LSAMP: variants seen among roughly 807,000 people sequenced by gnomAD.
LSAMP encodes limbic system-associated membrane protein.
LSAMP carries 7 observed loss-of-function variants against 38.6 expected under a neutral mutation model. That is an observed-to-expected ratio of 0.18 (90% CI 0.10 to 0.34). The LOEUF (loss-of-function observed/expected upper bound fraction) is 0.34, where lower values mean the gene tolerates loss of function less well. Ranked by LOEUF, LSAMP falls within the 10% of genes least tolerant of loss-of-function variation. The pLI is 1.00. For synonymous variants in LSAMP, 154 were observed against 166.8 expected (o/e 0.92, Z 0.59); for missense variants, 313 against 420.0 (o/e 0.75, Z 2.23).
chr3:115,994,960 GA>G (rs1472384506), intron 3 of LSAMP, among the ~76,000 whole-genome samples: 6 of 152,046 alleles, frequency 3.9e-5, no homozygotes, highest in African/African-American at 1.4e-4. Context: ...GTATACGTGA[GA>G]ATGTAGATGC....
chr3:116,320,057 T>A (rs2047687274), intron 1 of LSAMP, among the ~76,000 whole-genome samples: 1 of 152,150 alleles, frequency 6.6e-6, no homozygotes, highest in East Asian at 1.9e-4. Context: ...CAGACATTAG[T>A]GTTTCAGGTA....
chr3:115,869,213 G>A (rs1935947763), intron 3 of LSAMP, among the ~76,000 whole-genome samples: 1 of 150,332 alleles, frequency 6.7e-6, no homozygotes. Context: ...AGCCAGATTA[G>A]GTCAGGAGAT....
rs72951922 is a variant in LSAMP at position 116,404,319 on chromosome 3, C to T, written c.155+40558G>A. Among the ~76,000 whole-genome samples, 365 of 152,154 alleles carry T rather than the reference C, an allele frequency of 2.4e-3. 4 individuals carry two copies. The highest frequency in any genetic ancestry group is 8.4e-3 in the African/African-American group (351 of 41,542). On this transcript the variant is annotated intron_variant, in intron 1 of 6. Transcript: ENST00000490035. ...GTTAGAATTCTCTCTGTTTTTAATGCTTCAGAAAATATTACTTTTCCCCTG... is the reference window on the plus strand; with the variant it reads ...GTTAGAATTCTCTCTGTTTTTAATGTTTCAGAAAATATTACTTTTCCCCTG...
intron 1 of LSAMP, among the ~76,000 whole-genome samples, chr3:116,333,896 G>T (rs958625048): frequency 8.6e-5 from 13 of 151,082 alleles, no homozygotes. Flanking sequence ...AAATAATAAA[G>T]ATTAGAGATA....
chr3:116,366,302 A>C (rs879393681), intron 1 of LSAMP, among the ~76,000 whole-genome samples: 9 of 152,194 alleles, frequency 5.9e-5, no homozygotes, highest in Non-Finnish European at 1.0e-4. Flanking sequence ...GCAAGGAGAG[A>C]CTGGATTGCC....
At chr3:115,923,710 T>C (rs1339763233) in intron 3 of LSAMP, among the ~76,000 whole-genome samples, 4 of 152,206 alleles carry the variant, frequency 2.6e-5, no homozygotes, top group African/African-American at 9.6e-5. Flanking sequence ...TTTTTTTTAT[T>C]GTCTCTCCTA....
chr3:116,149,806 A>G (rs1559760874), intron 1 of LSAMP, among the ~76,000 whole-genome samples: 1 of 152,000 alleles, frequency 6.6e-6, no homozygotes, highest in East Asian at 1.9e-4. Flanking sequence ...TATCTTTCAT[A>G]AAAGGCTCTA....
chr3:116,125,125 A>C (rs1299420669), intron 1 of LSAMP, among the ~76,000 whole-genome samples: 1 of 152,162 alleles, frequency 6.6e-6, no homozygotes, highest in East Asian at 1.9e-4. Context: ...TCCTACTTGA[A>C]AGTAGAGAAT....
chr3:115,945,833 A>G (rs1022566902), intron 3 of LSAMP, among the ~76,000 whole-genome samples: 9 of 152,186 alleles, frequency 5.9e-5, no homozygotes, highest in Middle Eastern at 3.2e-3. Flanking sequence ...ATGGATCATC[A>G]AGAACAAATT....
chr3:116,097,352 G>A (rs1708247145), intron 1 of LSAMP, among the ~76,000 whole-genome samples: 1 of 152,200 alleles, frequency 6.6e-6, no homozygotes, highest in Non-Finnish European at 1.5e-5. Flanking sequence ...AGGCATGGCT[G>A]TAAAGTTAGA....
intron 1 of LSAMP, among the ~76,000 whole-genome samples, chr3:116,188,305 G>A (rs1710672206): frequency 6.6e-6 from 1 of 152,124 alleles, no homozygotes; most frequent in Admixed American, 6.6e-5. Flanking sequence ...AGACCCCCCA[G>A]GAACAGTTAA....
At chr3:116,136,655 T>A (rs182073435) in intron 1 of LSAMP, among the ~76,000 whole-genome samples, 1 of 152,274 alleles carries the variant, frequency 6.6e-6, no homozygotes, top group Non-Finnish European at 1.5e-5. Flanking sequence ...CCTGATGGTA[T>A]CACCCCTTCT....
In LSAMP at chr3:115,841,867, G is replaced by A; in HGVS notation, c.897C>T (p.Thr299=). 3 of 1,613,228 alleles carry A rather than the reference G, an allele frequency of 1.9e-6. No homozygotes were observed. Among genetic ancestry groups the A allele is most frequent in the Non-Finnish European group, 2.5e-6 (3 of 1,179,722 alleles). ...TACTGAAAAGGACTAGGCTGGCATT[G>A]GTGACCCCCAGCTTGTTGGCAGCCA... The part of the protein sequence containing the change: ...TCVAANKLGV[T]NASLVLFRPG... The change falls in exon 6 of 7, where the codon ACC becomes ACT. Residue 299 remains threonine (T), a synonymous_variant. Coordinates refer to ENST00000490035, the MANE Select transcript of LSAMP (RefSeq NM_002338.5).
intron 2 of LSAMP, among the ~76,000 whole-genome samples, chr3:116,085,200 T>C (rs183087454): frequency 0.011 from 1,601 of 152,284 alleles, 15 homozygotes; most frequent in Non-Finnish European, 0.014. Context: ...GACATGCCTT[T>C]ACAAGCAATA....
intron 1 of LSAMP, among the ~76,000 whole-genome samples, chr3:116,241,188 A>AC (rs1423877180): frequency 6.6e-6 from 1 of 151,638 alleles, no homozygotes; most frequent in African/African-American, 2.4e-5. Context: ...AAAAAAAAAA[A>AC]AAAACTTGCA....
chr3:115,999,539 G>A (rs1316621526), intron 3 of LSAMP, among the ~76,000 whole-genome samples: 1 of 152,100 alleles, frequency 6.6e-6, no homozygotes, highest in Non-Finnish European at 1.5e-5. Context: ...AGGGGAAAGA[G>A]GAATAAAACA....
At chr3:116,230,724 G>A (rs1042753933) in intron 1 of LSAMP, among the ~76,000 whole-genome samples, 9 of 152,088 alleles carry the variant, frequency 5.9e-5, no homozygotes, top group African/African-American at 9.7e-5. Flanking sequence ...GAACCCACTC[G>A]GCTTTTGTGC....
At chr3:115,979,989 A>T (rs1271687735) in intron 3 of LSAMP, among the ~76,000 whole-genome samples, 2 of 152,164 alleles carry the variant, frequency 1.3e-5, no homozygotes, top group Non-Finnish European at 2.9e-5. Context: ...TTAAATTAAC[A>T]TACTTTTTGA....
intron 3 of LSAMP, among the ~76,000 whole-genome samples, chr3:115,862,871 G>T (rs1935747812): frequency 6.6e-6 from 1 of 152,168 alleles, no homozygotes; most frequent in Non-Finnish European, 1.5e-5. Flanking sequence ...CAGTGGGAGT[G>T]GGGGTCCCAG....
Sources: allele counts gnomAD v4.1 joint callset (sites outside exome capture counted in the v4.1 genomes callset), GRCh38; gene constraint gnomAD v4.1.1; transcripts MANE v1.5; gene names NCBI Gene and HGNC (gene_info 2026-07-23, HGNC 2026-07-21).